The following RAB3GAP2 variants were observed in gnomAD, a reference collection of about 807,000 sequenced individuals.
The protein encoded by RAB3GAP2 is rab3 GTPase-activating protein non-catalytic subunit.
In RAB3GAP2, 87 loss-of-function variants were observed where a neutral mutation model predicts 185.3. The observed-to-expected ratio is 0.47, with a 90% CI of 0.39 to 0.56. The LOEUF is 0.56. Among genes scored for constraint, RAB3GAP2 ranks in the 20% least tolerant of loss-of-function variants. The pLI is 0.00. For synonymous variants in RAB3GAP2, 554 were observed against 576.1 expected (o/e 0.96, Z 0.55); for missense variants, 1,492 against 1,638.2 (o/e 0.91, Z 1.54).
Position 220,261,539 on chromosome 1 carries a change from A to C in RAB3GAP2, c.115+10684T>G, listed in dbSNP as rs114960691. On this transcript the variant is annotated intron_variant, in intron 1 of 34. Transcript: ENST00000358951. ...TCTTTGCTGACAAAGAAATGTCTCT[A>C]AAATATTTGTCTGGCTATCCTATTT... Among the ~76,000 whole-genome samples, 1,396 of 152,288 alleles carry C rather than the reference A, an allele frequency of 9.2e-3. 25 individuals are homozygous for C. The highest frequency in any genetic ancestry group is 0.032 in the African/African-American group (1,312 of 41,564).
chr1:220,155,485 G>A (rs1042483276), intron 31 of RAB3GAP2, among the ~76,000 whole-genome samples: 3 of 152,172 alleles, frequency 2.0e-5, no homozygotes, highest in Admixed American at 1.3e-4. Flanking sequence ...TCTGTTACTC[G>A]ATAGTTCCCA....
At chr1:220,177,183 C>G (rs1658307976) in intron 21 of RAB3GAP2, among the ~76,000 whole-genome samples, 2 of 152,208 alleles carry the variant, frequency 1.3e-5, no homozygotes, top group Admixed American at 6.5e-5. Context: ...GGTCTTCCCC[C>G]AGTCCATGAA....
In RAB3GAP2 at chr1:220,151,716, C is replaced by G. The variant is rs765711795; in HGVS notation, c.3916G>C (p.Val1306Leu). 6 of 1,612,008 alleles carry G rather than the reference C, an allele frequency of 3.7e-6. No homozygotes were observed. Among genetic ancestry groups the G allele is most frequent in the Non-Finnish European group, 4.2e-6 (5 of 1,178,234 alleles). Residue 1306 changes from valine (V) to leucine (L), a missense_variant, in exon 34 of 35, where the codon GTG becomes CTG. Coordinates refer to ENST00000358951, the MANE Select transcript of RAB3GAP2 (RefSeq NM_012414.4). ...TGAGCCAGCCTTTGCCCCGTGAGCA[C>G]CAGCAGCTGAGAGGCAAGGACCTCT... ...DKEVLASQLLVLTGQRLAHAL... is the reference protein window; with the variant it reads ...DKEVLASQLLLLTGQRLAHAL...
chr1:220,256,661 A>G (rs1182331737), intron 1 of RAB3GAP2, among the ~76,000 whole-genome samples: 1 of 152,260 alleles, frequency 6.6e-6, no homozygotes. Flanking sequence ...AAAGAAGGGC[A>G]TTACATAATG....
intron 21 of RAB3GAP2, among the ~76,000 whole-genome samples, chr1:220,176,514 C>T (rs759513592): frequency 5.9e-5 from 9 of 152,180 alleles, no homozygotes; most frequent in Non-Finnish European, 1.2e-4. Flanking sequence ...AACCATTTGC[C>T]ATGGGGTCCA....
chr1:220,204,988 G>T (rs183332476), intron 8 of RAB3GAP2, among the ~76,000 whole-genome samples: 1 of 151,866 alleles, frequency 6.6e-6, no homozygotes, highest in East Asian at 2.0e-4. Context: ...TATCATTGTT[G>T]TCTATTGTTG....
chr1:220,200,515 C>A (rs74948809), intron 9 of RAB3GAP2: 43,703 of 513,634 alleles, frequency 0.085, 2,255 homozygotes, highest in South Asian at 0.13. Context: ...TAAAGATGTA[C>A]ATACAATAAC....
intron 2 of RAB3GAP2, among the ~76,000 whole-genome samples, chr1:220,214,743 T>C (rs1659152911): frequency 6.6e-6 from 1 of 151,800 alleles, no homozygotes; most frequent in Non-Finnish European, 1.5e-5. Flanking sequence ...TAGACGTTTA[T>C]GTATTGTATA....
intron 1 of RAB3GAP2, among the ~76,000 whole-genome samples, chr1:220,234,564 T>C (rs1659559386): frequency 6.6e-6 from 1 of 152,228 alleles, no homozygotes; most frequent in Non-Finnish European, 1.5e-5. Flanking sequence ...GAGTTCCATA[T>C]ACAAGTCAAT....
At position 220,153,174 on chromosome 1, in the gene RAB3GAP2, G is replaced by A. The variant is rs762682611; in HGVS notation, c.3867+11C>T. ...CTTGAGCCCAATTAACATTCAAAGG[G>A]TCATGATTACCTCTTCTCCTAAGTG... On this transcript the variant is annotated intron_variant, in intron 33 of 34. Coordinates refer to ENST00000358951, the MANE Select transcript of RAB3GAP2 (RefSeq NM_012414.4). 6.3e-7 allele frequency: 1 copy of A among 1,582,248 alleles called. No individual in the cohort carries two copies. Among genetic ancestry groups the A allele is most frequent in the African/African-American group, 1.3e-5 (1 of 74,134 alleles).
At chr1:220,226,416 G>T (rs1659403031) in intron 2 of RAB3GAP2, among the ~76,000 whole-genome samples, 1 of 149,696 alleles carries the variant, frequency 6.7e-6, no homozygotes, top group African/African-American at 2.5e-5. Context: ...CCAACTAAAA[G>T]CCTTTATAAT....
chr1:220,264,865 C>T (rs902842469), intron 1 of RAB3GAP2, among the ~76,000 whole-genome samples: 1 of 152,150 alleles, frequency 6.6e-6, no homozygotes, highest in Non-Finnish European at 1.5e-5. Context: ...TAGCATAACA[C>T]CTCTAACAAT....
Position 220,150,692 on chromosome 1 carries a change from G to A in RAB3GAP2, c.*559C>T, listed in dbSNP as rs753225140. 3.9e-5 allele frequency: 6 copies of A among 153,854 alleles called. No individual in the cohort carries two copies. Among genetic ancestry groups the A allele is most frequent in the Non-Finnish European group, 5.8e-5 (4 of 69,246 alleles). 9.5% of individuals were successfully genotyped at this position (153,854 alleles called of 1,614,324 possible). A position where few individuals can be genotyped will look rare whatever the true frequency, so the allele number is the denominator to read the frequency against. On this transcript the variant is annotated 3_prime_UTR_variant, in exon 35 of 35. Coordinates refer to ENST00000358951, the MANE Select transcript of RAB3GAP2 (RefSeq NM_012414.4). ...GAACCCATTCTTCCTCCTCAAGCAC[G>A]GTCATCCTCCTCTGATGGCAACAGC...
intron 1 of RAB3GAP2, among the ~76,000 whole-genome samples, chr1:220,262,330 C>CA (rs916746274): frequency 6.7e-6 from 1 of 149,962 alleles, no homozygotes; most frequent in African/African-American, 2.4e-5. Context: ...AACAAACAAA[C>CA]AAAAAAACAT....
At chr1:220,180,934 A>T (rs1658392219) in intron 21 of RAB3GAP2, among the ~76,000 whole-genome samples, 1 of 152,182 alleles carries the variant, frequency 6.6e-6, no homozygotes, top group South Asian at 2.1e-4. Context: ...GTGAGTCAAA[A>T]ATATTCAGAA....
At chr1:220,167,734 C>T (rs1484762922) in intron 24 of RAB3GAP2, 59 bp from the exon 25 acceptor site, 4 of 1,511,624 alleles carry the variant, frequency 2.6e-6, no homozygotes, top group Non-Finnish European at 3.6e-6. Context: ...CAGTGTTTGC[C>T]AATGGGAGCC....
intron 27 of RAB3GAP2, among the ~76,000 whole-genome samples, 197 bp downstream of exon 27, chr1:220,164,536 G>A (rs1658030164): frequency 7.2e-6 from 1 of 138,962 alleles, no homozygotes; most frequent in Non-Finnish European, 1.5e-5. Context: ...ATGCAGTGGT[G>A]TGATCATAGC....
intron 1 of RAB3GAP2, among the ~76,000 whole-genome samples, chr1:220,236,956 A>G (rs1659605651): frequency 6.6e-6 from 1 of 152,252 alleles, no homozygotes; most frequent in African/African-American, 2.4e-5. Context: ...CTACGTCATC[A>G]TGAAGAAATA....
Position 220,151,193 on chromosome 1 carries a change from A to C in RAB3GAP2, c.*58T>G, listed in dbSNP as rs550117859. 5.2e-6 allele frequency: 8 copies of C among 1,531,520 alleles called. No individual in the cohort carries two copies. In the Admixed American group the frequency reaches 6.9e-5, roughly 13 times the overall value. 94.9% of individuals were successfully genotyped at this position (1,531,520 alleles called of 1,614,324 possible). A position where few individuals can be genotyped will look rare whatever the true frequency, so the allele number is the denominator to read the frequency against. ...AATTCCAGGTCTTACTATGTAAAATAACCATGCACTACTTCATGTTATAAT... is the reference window on the plus strand; with the variant it reads ...AATTCCAGGTCTTACTATGTAAAATCACCATGCACTACTTCATGTTATAAT... On this transcript the variant is annotated 3_prime_UTR_variant, in exon 35 of 35. Transcript: ENST00000358951.
Sources: gnomAD v4.1 joint callset for allele counts (sites outside exome capture counted in the v4.1 genomes callset) on GRCh38, gnomAD v4.1.1 for gene constraint, MANE v1.5 for transcripts, NCBI Gene and HGNC (gene_info 2026-07-23, HGNC 2026-07-21) for gene names.